Variants in DMD observed in about 807,000 individuals in gnomAD.
DMD encodes mutant dystrophin.
DMD carries 63 observed loss-of-function variants against 330.1 expected under a neutral mutation model. The observed-to-expected ratio is 0.19, with a 90% CI of 0.16 to 0.24. The LOEUF (loss-of-function observed/expected upper bound fraction) is 0.24, where lower values mean the gene tolerates loss of function less well. Ranked by LOEUF, DMD falls within the 10% of genes least tolerant of loss-of-function variation. DMD has a pLI of 1.00. For synonymous variants in DMD, 1,223 were observed against 959.8 expected (o/e 1.27, Z -5.07); for missense variants, 3,344 against 2,684.1 (o/e 1.25, Z -5.43).
intron 70 of DMD, chrX:31,178,442 T>C (rs1432369051): frequency 2.8e-5 from 26 of 936,976 alleles, no homozygotes; most frequent in Non-Finnish European, 2.9e-5. Context: ...GTTTTTTTTT[T>C]TTTTTCCCCC....
intron 7 of DMD, among the ~76,000 whole-genome samples, chrX:32,779,304 C>T (rs781273784): frequency 9.1e-6 from 1 of 109,430 alleles, no homozygotes; most frequent in South Asian, 4.0e-4. Context: ...CAATGTTGCT[C>T]GGACACACAA....
chrX:32,736,907 AAAGTAT>A (rs1340074241), intron 7 of DMD, among the ~76,000 whole-genome samples: 2 of 111,134 alleles, frequency 1.8e-5, no homozygotes, highest in Non-Finnish European at 3.8e-5. Flanking sequence ...CCTAAAGCTT[AAAGTAT>A]AATAATAAAA....
At chrX:32,759,457 T>C (rs2071941452) in intron 7 of DMD, among the ~76,000 whole-genome samples, 1 of 111,718 alleles carries the variant, frequency 9.0e-6, no homozygotes, top group African/African-American at 3.2e-5. Flanking sequence ...CCCCACTTTC[T>C]TTCCTAGCTT....
chrX:32,596,483 C>T (rs1227152005), intron 12 of DMD, among the ~76,000 whole-genome samples: 1 of 110,868 alleles, frequency 9.0e-6, no homozygotes, highest in African/African-American at 3.3e-5. Flanking sequence ...ACCTAATTGG[C>T]CACTCCCTCA....
chrX:31,690,643 C>A (rs1180560109), intron 52 of DMD, among the ~76,000 whole-genome samples: 3 of 111,932 alleles, frequency 2.7e-5, no homozygotes, highest in East Asian at 2.8e-4. Context: ...ATTATAAATC[C>A]TGCTGCTGTA....
intron 15 of DMD, among the ~76,000 whole-genome samples, chrX:32,571,249 C>T (rs1473874631): frequency 1.8e-5 from 2 of 112,010 alleles, no homozygotes; most frequent in African/African-American, 6.5e-5. Flanking sequence ...AAAGGATTCA[C>T]ATTTTGCCTG....
chrX:32,313,508 C>A (rs925052343), intron 41 of DMD, among the ~76,000 whole-genome samples: 1 of 111,563 alleles, frequency 9.0e-6, no homozygotes, highest in African/African-American at 3.3e-5. Flanking sequence ...AGGATGCCCT[C>A]TCTCACCACT....
intron 1 of DMD, among the ~76,000 whole-genome samples, chrX:33,101,560 G>A (rs2095239672): frequency 8.9e-6 from 1 of 111,800 alleles, no homozygotes; most frequent in Admixed American, 9.5e-5. Flanking sequence ...GAACCAGGGA[G>A]GCGGAGGTTG....
intron 51 of DMD, among the ~76,000 whole-genome samples, chrX:31,735,839 A>G (rs754649100): frequency 8.9e-6 from 1 of 111,845 alleles, no homozygotes; most frequent in Non-Finnish European, 1.9e-5. Flanking sequence ...GAAAGTTAAG[A>G]TTATTCCACC....
At chrX:32,210,694 G>A (rs757962138) in intron 44 of DMD, among the ~76,000 whole-genome samples, 2 of 111,424 alleles carry the variant, frequency 1.8e-5, no homozygotes, top group South Asian at 3.8e-4. Flanking sequence ...ATAAAAATAC[G>A]AAAACTCATT....
intron 12 of DMD, among the ~76,000 whole-genome samples, chrX:32,603,230 A>G: frequency 9.0e-6 from 1 of 111,536 alleles, no homozygotes; most frequent in African/African-American, 3.2e-5. Flanking sequence ...AAATCTATAC[A>G]AATACATGGA....
chrX:33,068,045 G>A (rs1050993936), intron 1 of DMD, among the ~76,000 whole-genome samples: 2 of 111,635 alleles, frequency 1.8e-5, no homozygotes, highest in African/African-American at 6.5e-5. Context: ...TAGAGGAACA[G>A]TATTTCAGTA....
chrX:31,176,924 T>C (rs780202053), intron 71 of DMD, among the ~76,000 whole-genome samples: 4 of 111,276 alleles, frequency 3.6e-5, no homozygotes, highest in Non-Finnish European at 7.6e-5. Flanking sequence ...GACAGGGTTT[T>C]TAAAAAAGGA....
chrX:31,473,430 A>C (rs1456929608), intron 59 of DMD, among the ~76,000 whole-genome samples: 1 of 108,315 alleles, frequency 9.2e-6, no homozygotes, highest in Non-Finnish European at 1.9e-5. Flanking sequence ...ACATTAAAAA[A>C]CAGCAATCTG....
intron 7 of DMD, among the ~76,000 whole-genome samples, chrX:32,748,502 A>T (rs1471375471): frequency 9.0e-6 from 1 of 111,624 alleles, no homozygotes; most frequent in African/African-American, 3.3e-5. Context: ...TCCAGTTTGA[A>T]AGTTTGTGAT....
intron 11 of DMD, among the ~76,000 whole-genome samples, chrX:32,628,258 ATTTTTTTTTT>A (rs1170760390): frequency 2.0e-4 from 3 of 15,354 alleles, no homozygotes; most frequent in Non-Finnish European, 3.6e-4. Flanking sequence ...AGTTGTTTTA[ATTTTTTTTTT>A]TTTTTTTTTT....
intron 1 of DMD, among the ~76,000 whole-genome samples, chrX:33,243,996 T>A (rs751456910): frequency 8.9e-6 from 1 of 112,214 alleles, no homozygotes; most frequent in Non-Finnish European, 1.9e-5. Flanking sequence ...TCCTTAAATA[T>A]ATACAAATAA....
In DMD at chrX:32,845,244, C is replaced by G. The variant is rs770780701; in HGVS notation, c.187-384G>C. ...AGAAAAATCTAAAGGAGATTTGACTCTAGCAAAATTATATAATGCCAAATA... is the reference window on the plus strand; with the variant it reads ...AGAAAAATCTAAAGGAGATTTGACTGTAGCAAAATTATATAATGCCAAATA... On this transcript the variant is annotated intron_variant, in intron 3 of 78. Transcript: ENST00000357033. Among the ~76,000 whole-genome samples, 5 of 111,899 alleles carry G rather than the reference C, an allele frequency of 4.5e-5. No individual in the cohort carries two copies. The South Asian group carries it at 1.9e-3, about 42-fold the overall frequency.
chrX:31,263,453 G>A (rs967226137), intron 62 of DMD, among the ~76,000 whole-genome samples: 1 of 111,791 alleles, frequency 8.9e-6, no homozygotes, highest in Non-Finnish European at 1.9e-5. Context: ...TTATGAAAAG[G>A]GTTTTAGAAA....
Sources: allele counts gnomAD v4.1 joint callset (sites outside exome capture counted in the v4.1 genomes callset), GRCh38; gene constraint gnomAD v4.1.1; transcripts MANE v1.5; gene names NCBI Gene and HGNC (gene_info 2026-07-23, HGNC 2026-07-21).